The following IL31RA variants were observed in gnomAD, a reference collection of about 807,000 sequenced individuals.
The protein encoded by IL31RA is interleukin-31 receptor subunit alpha.
Under a neutral mutation model 83.7 loss-of-function variants are expected in IL31RA, and 66 were observed. The observed-to-expected ratio is 0.79, with a 90% CI of 0.65 to 0.97. IL31RA has a LOEUF of 0.97. Ranked by LOEUF, IL31RA falls within the 50% of genes least tolerant of loss-of-function variation. IL31RA has a pLI of 0.00. For missense variants in IL31RA, 798 were observed against 919.4 expected, an observed-to-expected ratio of 0.87 and a Z score of 1.71; for synonymous variants, 325 against 329.0, an observed-to-expected ratio of 0.99 and a Z score of 0.13.
intron 8 of IL31RA, among the ~76,000 whole-genome samples, chr5:55,904,835 CTTTTTT>C (rs10651049): frequency 7.5e-6 from 1 of 132,894 alleles, no homozygotes. Context: ...TTTTGGGTTT[CTTTTTT>C]TTTTTTTTTT....
At position 55,851,546 on chromosome 5, in the gene IL31RA, T is replaced by A; in HGVS notation, c.-25T>A. ...AAAATTGAGACAGGAAGGCAGAGTG[T>A]CAGCTTGTTCCACCTCAGCTGGGAA... On this transcript the variant is annotated 5_prime_UTR_variant, in exon 1 of 15. Transcript: ENST00000652347. 1 of 1,614,010 alleles carries A rather than the reference T, an allele frequency of 6.2e-7. No homozygotes were observed. Among genetic ancestry groups the A allele is most frequent in the Non-Finnish European group, 8.5e-7 (1 of 1,179,916 alleles).
chr5:55,910,481 A>G (rs1193210597), intron 11 of IL31RA, 51 bp from the exon 12 acceptor site: 5 of 1,611,936 alleles, frequency 3.1e-6, no homozygotes, highest in Non-Finnish European at 4.2e-6. Context: ...CTGGGACACA[A>G]TTTTCAGTCT....
At position 55,897,015 on chromosome 5, in the gene IL31RA, A is replaced by ATATTTT. The variant is rs1413221761; in HGVS notation, c.852+587_852+588insATTTTT. 4.7e-3 allele frequency among the ~76,000 whole-genome samples: 4 copies of ATATTTT among 844 alleles called. 2 individuals are homozygous for ATATTTT. The highest frequency in any genetic ancestry group is 0.044 in the African/African-American group (4 of 90). The allele number at this position is 844 out of a possible 152,430, so 0.6% of individuals were successfully genotyped here. A position where few individuals can be genotyped will look rare whatever the true frequency, so the allele number is the denominator to read the frequency against. On this transcript the variant is annotated intron_variant, in intron 7 of 14. Coordinates refer to ENST00000652347, the MANE Select transcript of IL31RA (RefSeq NM_139017.7). ...AAAAAAAAAAAATATATATATATAT[A>ATATTTT]TTTTTTTTTTTTTTGGTTGAGGCTG...
upstream of IL31RA, among the ~76,000 whole-genome samples, chr5:55,850,143 A>AT (rs1014360237): frequency 1.3e-5 from 2 of 151,576 alleles, no homozygotes; most frequent in African/African-American, 4.9e-5. Context: ...ATCTGGAAAC[A>AT]TTTTTTTTCT....
chr5:55,883,012 A>C (rs374889540), intron 4 of IL31RA, 32 bp from the exon 5 acceptor site: 1 of 1,608,132 alleles, frequency 6.2e-7, no homozygotes, highest in Non-Finnish European at 8.5e-7. Flanking sequence ...ATCTTTTTGC[A>C]GATATGAGAG....
At chr5:55,861,536 C>T (rs1256941726) in intron 2 of IL31RA, among the ~76,000 whole-genome samples, 1 of 152,180 alleles carries the variant, frequency 6.6e-6, no homozygotes, top group Non-Finnish European at 1.5e-5. Context: ...ATCCCGAAAC[C>T]ATCCGTACCC....
At chr5:55,910,452 T>A in intron 11 of IL31RA, 80 bp from the exon 12 acceptor site, 1 of 1,509,114 alleles carries the variant, frequency 6.6e-7, no homozygotes, top group Non-Finnish European at 9.2e-7. Flanking sequence ...CAGGTTCCAA[T>A]GCTCTTATTT....
chr5:55,875,037 A>G lies in IL31RA; in HGVS notation c.454+2586A>G, dbSNP rs115875930. On this transcript the variant is annotated intron_variant, in intron 4 of 14. Coordinates refer to ENST00000652347, the MANE Select transcript of IL31RA (RefSeq NM_139017.7). The stretch of plus-strand genomic sequence containing the variant: ...GTAGATACCCATTGCACATTGAGAA[A>G]ATTTCCTTCCACTCATAGTTTGTTG... Among the ~76,000 whole-genome samples the G allele has an allele frequency of 2.4e-3, 359 of 152,150 alleles. 2 individuals are homozygous for G. The highest frequency in any genetic ancestry group is 8.3e-3 in the African/African-American group (346 of 41,528).
Position 55,917,347 on chromosome 5 carries a change from CTT to C in IL31RA, c.*230_*231del, listed in dbSNP as rs1274972454. On this transcript the variant is annotated 3_prime_UTR_variant, in exon 15 of 15. Transcript: ENST00000652347. The stretch of plus-strand genomic sequence containing the variant: ...GAGTTTTGTAAAGGAACAGCAGTCT[CTT>C]TTCGTTTGTTCAGATACCAAGCTCT... 7.1e-6 allele frequency: 10 copies of C among 1,406,240 alleles called. No individual in the cohort carries two copies. The Admixed American group carries it at 2.5e-4, about 35-fold the overall frequency. The allele number at this position is 1,406,240 out of a possible 1,614,324, so 87.1% of individuals were successfully genotyped here.
In IL31RA at chr5:55,899,948, A is replaced by C. The variant is rs1258620823; in HGVS notation, c.885A>C (p.Thr295=). 2.5e-6 allele frequency: 4 copies of C among 1,614,104 alleles called. No homozygotes were observed. The African/African-American group carries it at 4.0e-5, about 16-fold the overall frequency. ...GAGGAGCCCCAGTCCTAGAGAAAAC[A>C]CTTGGCTACAACATATGGTACTATC... The part of the protein sequence containing the change: ...KARGAPVLEK[T]LGYNIWYYPE... The change falls in exon 8 of 15, where the codon ACA becomes ACC. Residue 295 remains threonine, a synonymous_variant. Transcript: ENST00000652347.
At chr5:55,856,636 A>G (rs1345337941) in intron 1 of IL31RA, among the ~76,000 whole-genome samples, 2 of 152,244 alleles carry the variant, frequency 1.3e-5, no homozygotes, top group Non-Finnish European at 2.9e-5. Flanking sequence ...ATTAGTAATC[A>G]GAGAGGGCAT....
chr5:55,876,400 A>G (rs1746853074), intron 4 of IL31RA, among the ~76,000 whole-genome samples: 1 of 152,178 alleles, frequency 6.6e-6, no homozygotes. Context: ...GCAAGATTCC[A>G]TCTCAAAAAA....
intron 4 of IL31RA, among the ~76,000 whole-genome samples, chr5:55,881,486 C>T (rs1747218226): frequency 6.6e-6 from 1 of 151,996 alleles, no homozygotes; most frequent in East Asian, 1.9e-4. Flanking sequence ...CGGCACCTTG[C>T]GTCCCATTTC....
At chr5:55,841,255 T>G in the IL31RA span, among the ~76,000 whole-genome samples, 1 of 152,236 alleles carries the variant, frequency 6.6e-6, no homozygotes, top group Non-Finnish European at 1.5e-5. Context: ...TTGCTAAAAT[T>G]TTCCACTTGT....
At chr5:55,850,421 T>C (rs1263578481), upstream of IL31RA, among the ~76,000 whole-genome samples, 1 of 152,230 alleles carries the variant, frequency 6.6e-6, no homozygotes, top group African/African-American at 2.4e-5. Context: ...CTTTATTTTC[T>C]AGTCTTTAGA....
At chr5:55,841,861 A>C in the IL31RA span, among the ~76,000 whole-genome samples, 1 of 152,102 alleles carries the variant, frequency 6.6e-6, no homozygotes, top group Non-Finnish European at 1.5e-5. Flanking sequence ...ACAGTTCTGG[A>C]GACCAAAAGT....
At position 55,917,556 on chromosome 5, in the gene IL31RA, C is replaced by G. The variant is rs1394342745; in HGVS notation, c.*436C>G. Among the ~76,000 whole-genome samples the G allele has an allele frequency of 2.0e-5, 3 of 152,122 alleles. No homozygotes were observed. The highest frequency in any genetic ancestry group is 7.2e-5 in the African/African-American group (3 of 41,424). On this transcript the variant is annotated 3_prime_UTR_variant, in exon 15 of 15. Coordinates refer to ENST00000652347, the MANE Select transcript of IL31RA (RefSeq NM_139017.7). Reference sequence around the variant, plus strand: ...TGCCAGAGGACAGTTGTTTTGTTGGCTCTTGGGTGGTCTGGTGGGAGCCTG... The same window carrying G: ...TGCCAGAGGACAGTTGTTTTGTTGGGTCTTGGGTGGTCTGGTGGGAGCCTG...
At chr5:55,867,242 T>TGTTTGTGTGTGC (rs1746198059) in intron 2 of IL31RA, among the ~76,000 whole-genome samples, 1 of 114,934 alleles carries the variant, frequency 8.7e-6, no homozygotes, top group East Asian at 2.2e-4. Context: ...TTTGTGTGTG[T>TGTTTGTGTGTGC]GTTTGTGTGT....
rs768078199 is a variant in IL31RA, at chr5:55,872,336, C to G, written c.339C>G (p.Cys113Trp). The change falls in exon 4 of 15, where the codon TGC becomes TGG. Residue 113 changes from cysteine (C) to tryptophan (W), a missense_variant. Physicochemically the swap from Cys to Trp is radical, Grantham distance 215. Coordinates refer to ENST00000652347, the MANE Select transcript of IL31RA (RefSeq NM_139017.7). Reference sequence around the variant, plus strand: ...CTACAAGTGAAAATCGTGCTTCGTGCTCTTTTTTCCTTCCAAGAATAACGA... The same window carrying G: ...CTACAAGTGAAAATCGTGCTTCGTGGTCTTTTTTCCTTCCAAGAATAACGA... Reference protein sequence around the residue: ...NSSTSENRASCSFFLPRITIP... With the variant: ...NSSTSENRASWSFFLPRITIP... 6.2e-7 allele frequency: 1 copy of G among 1,612,828 alleles called. No homozygotes were observed. The highest frequency in any genetic ancestry group is 8.5e-7 in the Non-Finnish European group (1 of 1,178,912).
Sources: gnomAD v4.1 joint callset for allele counts (sites outside exome capture counted in the v4.1 genomes callset) on GRCh38, gnomAD v4.1.1 for gene constraint, MANE v1.5 for transcripts, NCBI Gene and HGNC (gene_info 2026-07-23, HGNC 2026-07-21) for gene names.